The following EYS variants were observed in gnomAD, a reference collection of about 807,000 sequenced individuals.
EYS encodes the protein protein eyes shut homolog.
A neutral mutation model predicts 282.1 loss-of-function variants in EYS; 250 were observed. The observed-to-expected ratio is 0.89, with a 90% CI of 0.80 to 0.98. EYS has a LOEUF of 0.98. Ranked by LOEUF, EYS falls within the 50% of genes least tolerant of loss-of-function variation. The pLI, the probability that EYS is intolerant of heterozygous loss-of-function variation, is 0.00. For missense variants in EYS, 4,016 were observed against 3,709.0 expected, an observed-to-expected ratio of 1.08 and a Z score of -2.15; for synonymous variants, 1,355 against 1,282.9, an observed-to-expected ratio of 1.06 and a Z score of -1.20.
chr6:64,714,012 C>T (rs2149936718), intron 22 of EYS, among the ~76,000 whole-genome samples: 2 of 152,198 alleles, frequency 1.3e-5, no homozygotes, highest in Middle Eastern at 6.8e-3. Context: ...TAATTGTGTT[C>T]ATTTATTGCA....
chr6:63,970,108 G>A (rs193301830), intron 35 of EYS, among the ~76,000 whole-genome samples: 6 of 152,328 alleles, frequency 3.9e-5, no homozygotes, highest in Admixed American at 1.3e-4. Flanking sequence ...GAGACATGGC[G>A]AGGTGGTGAC....
chr6:65,405,388 G>GGA, intron 5 of EYS, 21 bp from the exon 6 acceptor site: 1 of 1,484,992 alleles, frequency 6.7e-7, no homozygotes, highest in East Asian at 2.3e-5. Flanking sequence ...TCACACACAA[G>GGA]AAAAAAAAAG....
intron 2 of EYS, among the ~76,000 whole-genome samples, chr6:65,574,212 A>G (rs949957523): frequency 5.9e-5 from 9 of 152,154 alleles, no homozygotes; most frequent in African/African-American, 1.9e-4. Context: ...GGGACCCTAA[A>G]CCATTCCGAG....
At chr6:64,555,058 T>C (rs1258804310) in intron 26 of EYS, among the ~76,000 whole-genome samples, 1 of 151,964 alleles carries the variant, frequency 6.6e-6, no homozygotes, top group African/African-American at 2.4e-5. Flanking sequence ...GTCAAAAAGA[T>C]ATACTTCCTT....
At chr6:65,134,102 T>C (rs979585835) in intron 12 of EYS, among the ~76,000 whole-genome samples, 1 of 151,902 alleles carries the variant, frequency 6.6e-6, no homozygotes, top group African/African-American at 2.4e-5. Flanking sequence ...TATGAAAAAG[T>C]CAAAAAACAA....
At chr6:64,621,578 A>T (rs1428709100) in intron 23 of EYS, among the ~76,000 whole-genome samples, 2 of 152,132 alleles carry the variant, frequency 1.3e-5, no homozygotes, top group African/African-American at 4.8e-5. Context: ...TTAAAAAAAG[A>T]TTATTCTGTA....
At chr6:64,082,926 TGAGATAGTGTC>T (rs1772022986) in intron 31 of EYS, among the ~76,000 whole-genome samples, 1 of 151,586 alleles carries the variant, frequency 6.6e-6, no homozygotes, top group Non-Finnish European at 1.5e-5. Flanking sequence ...TTTTTTTTTT[TGAGATAGTGTC>T]TCATTTTATC....
chr6:64,000,252 C>A (rs1402135720), intron 33 of EYS, among the ~76,000 whole-genome samples: 1 of 124,534 alleles, frequency 8.0e-6, no homozygotes, highest in Non-Finnish European at 1.6e-5. Flanking sequence ...AGTGCAGTGG[C>A]GCGATCTCGG....
At chr6:65,111,968 T>C (rs1775225691) in intron 12 of EYS, among the ~76,000 whole-genome samples, 1 of 152,144 alleles carries the variant, frequency 6.6e-6, no homozygotes, top group Non-Finnish European at 1.5e-5. Context: ...ACTTGGAGCT[T>C]ATTTGCTCCA....
intron 26 of EYS, among the ~76,000 whole-genome samples, chr6:64,449,286 T>A (rs1441112301): frequency 6.6e-6 from 1 of 151,034 alleles, no homozygotes; most frequent in African/African-American, 2.4e-5. Context: ...TGAAATGAAG[T>A]GTGAAGAAAA....
chr6:65,183,344 G>T (rs1424036658), intron 12 of EYS, among the ~76,000 whole-genome samples: 1 of 151,810 alleles, frequency 6.6e-6, no homozygotes, highest in East Asian at 2.0e-4. Flanking sequence ...CTTTTAAAAA[G>T]TGTAAAAAGG....
chr6:63,948,037 T>C (rs1445763406), intron 35 of EYS, among the ~76,000 whole-genome samples: 2 of 152,174 alleles, frequency 1.3e-5, no homozygotes, highest in Non-Finnish European at 2.9e-5. Flanking sequence ...TAATGACTCA[T>C]GAGTAAAAAT....
chr6:64,599,175 G>T (rs1454579549), intron 24 of EYS, among the ~76,000 whole-genome samples: 1 of 152,126 alleles, frequency 6.6e-6, no homozygotes, highest in Non-Finnish European at 1.5e-5. Context: ...TTTGAAATAA[G>T]AAAGTTCTAA....
At chr6:64,238,002 T>C (rs1310078732) in intron 30 of EYS, among the ~76,000 whole-genome samples, 1 of 152,160 alleles carries the variant, frequency 6.6e-6, no homozygotes, top group Non-Finnish European at 1.5e-5. Context: ...AATATAACAT[T>C]TATGTAATAG....
intron 26 of EYS, among the ~76,000 whole-genome samples, chr6:64,467,199 C>G (rs1582790763): frequency 6.6e-6 from 1 of 152,160 alleles, no homozygotes; most frequent in East Asian, 1.9e-4. Flanking sequence ...TATTAGTATT[C>G]AGAGAATGTA....
chr6:64,375,848 C>A (rs1772545433), intron 29 of EYS, among the ~76,000 whole-genome samples: 1 of 152,104 alleles, frequency 6.6e-6, no homozygotes. Context: ...CTCTATAATA[C>A]ACAATCTCAA....
At chr6:64,729,084 G>T (rs538221246) in intron 22 of EYS, 1 of 152,534 alleles carries the variant, frequency 6.6e-6, no homozygotes, top group Non-Finnish European at 1.5e-5. Context: ...GCACAGGATT[G>T]GGGGAAGAGT....
intron 41 of EYS, among the ~76,000 whole-genome samples, chr6:63,743,934 C>A (rs552765928): frequency 2.0e-5 from 3 of 152,202 alleles, no homozygotes; most frequent in South Asian, 4.1e-4. Flanking sequence ...TCTGGAGCCA[C>A]CAGGTTGCAA....
At chr6:64,623,887 A>G (rs1767521411) in intron 23 of EYS, among the ~76,000 whole-genome samples, 1 of 152,164 alleles carries the variant, frequency 6.6e-6, no homozygotes, top group Non-Finnish European at 1.5e-5. Context: ...TAAGAAAATG[A>G]GAAAGGGATG....
Sources: gnomAD v4.1 joint callset for allele counts (sites outside exome capture counted in the v4.1 genomes callset) on GRCh38, gnomAD v4.1.1 for gene constraint, MANE v1.5 for transcripts, NCBI Gene and HGNC (gene_info 2026-07-23, HGNC 2026-07-21) for gene names.